Variants in HGFAC observed in about 807,000 individuals in gnomAD.
HGFAC encodes the protein HGF activator, also known as hepatocyte growth factor activator serine protease.
HGFAC carries 76 observed loss-of-function variants against 70.6 expected under a neutral mutation model. The ratio of observed to expected loss-of-function variants is 1.08; its 90% CI spans 0.89 to 1.30. The LOEUF (loss-of-function observed/expected upper bound fraction) is 1.30, where lower values mean the gene tolerates loss of function less well. Ranked by LOEUF, HGFAC falls within the 50% of genes most tolerant of loss-of-function variation. The probability of loss-of-function intolerance (pLI) is 0.00; values close to 1 mark genes in which losing one functional copy is unlikely to be tolerated. For missense variants in HGFAC, 1,044 were observed against 933.7 expected (o/e 1.12, Z -1.54); for synonymous variants, 464 against 405.3 (o/e 1.14, Z -1.74).
In HGFAC at chr4:3,444,752, C is replaced by T. The variant is rs770592174; in HGVS notation, c.841+19C>T. ...AACATCGGTGAGTGGGTCAGCCCCC[C>T]GGGGTGCCCTGGGGCAGTGCCGGGT... On this transcript the variant is annotated intron_variant, in intron 7 of 13. Transcript: ENST00000382774. 101 of 1,579,000 alleles carry T rather than the reference C, an allele frequency of 6.4e-5. 1 individual carries two copies. Among genetic ancestry groups the T allele is most frequent in the Admixed American group, 2.1e-4 (12 of 57,426 alleles).
intron 2 of HGFAC, 35 bp from the exon 3 acceptor site, chr4:3,443,015 G>A (rs373619888): frequency 3.9e-6 from 6 of 1,553,768 alleles, no homozygotes; most frequent in Admixed American, 3.6e-5. Flanking sequence ...GGTGCCCCTC[G>A]AGGGAGCCCT....
chr4:3,447,827 C>T, intron 11 of HGFAC, 68 bp from the exon 12 acceptor site: 1 of 1,578,384 alleles, frequency 6.3e-7, no homozygotes. Context: ...CTCCCTCCAC[C>T]ACGGGCCCCG....
chr4:3,443,824 G>A (rs1281372297), intron 4 of HGFAC, among the ~76,000 whole-genome samples: 1 of 152,006 alleles, frequency 6.6e-6, no homozygotes, highest in African/African-American at 2.4e-5. Context: ...TGCACAGCTG[G>A]GCCAGTGGCC....
intron 1 of HGFAC, among the ~76,000 whole-genome samples, chr4:3,442,496 T>TG (rs1317959328): frequency 1.3e-5 from 2 of 152,046 alleles, no homozygotes; most frequent in Non-Finnish European, 2.9e-5. Context: ...TTAAGCTTGG[T>TG]GGGTAGCAGT....
rs1393402490 is a variant in HGFAC, at chr4:3,448,390, G to A, written c.1785+114G>A. The A allele has an allele frequency of 3.3e-5, 42 of 1,262,434 alleles. 1 individual carries two copies. Among genetic ancestry groups the A allele is most frequent in the Non-Finnish European group, 4.3e-5 (40 of 923,582 alleles). The allele number at this position is 1,262,434 out of a possible 1,614,324, so 78.2% of individuals were successfully genotyped here. Reference sequence around the variant, plus strand: ...AGCCTGGCGGCACCCCAACCTGGCAGGGCCAGCCAGGGACCCCTGGGCAGG... The same window carrying A: ...AGCCTGGCGGCACCCCAACCTGGCAAGGCCAGCCAGGGACCCCTGGGCAGG... On this transcript the variant is annotated intron_variant, in intron 13 of 13. Coordinates refer to ENST00000382774, the MANE Select transcript of HGFAC (RefSeq NM_001528.4).
Position 3,446,154 on chromosome 4 carries a change from G to T in HGFAC, c.1215G>T (p.Arg405=). The change falls in exon 10 of 14, where the codon CGG becomes CGT. Residue 405 remains arginine (R), a synonymous_variant. Transcript: ENST00000382774. Reference sequence around the variant, plus strand: ...GGCACAAGAAGAGGACGTTCCTGCGGCCACGTATCATCGGCGGCTCCTCCT... The same window carrying T: ...GGCACAAGAAGAGGACGTTCCTGCGTCCACGTATCATCGGCGGCTCCTCCT... The part of the protein sequence containing the change: ...GRRHKKRTFL[R]PRIIGGSSSL... 6.2e-7 allele frequency: 1 copy of T among 1,611,728 alleles called. No individual in the cohort carries two copies. The highest frequency in any genetic ancestry group is 8.5e-7 in the Non-Finnish European group (1 of 1,179,542).
At position 3,443,129 on chromosome 4, in the gene HGFAC, C is replaced by T. The variant is rs777636105; in HGVS notation, c.378C>T (p.Gly126=). 1 of 1,569,210 alleles carries T rather than the reference C, an allele frequency of 6.4e-7. No individual in the cohort carries two copies. The change falls in exon 3 of 14, where the codon GGC becomes GGT. Residue 126 remains glycine (G), a synonymous_variant. Transcript: ENST00000382774. The part of the protein sequence containing the change: ...GRMLHACTSE[G]SAHRKWCATT... The stretch of plus-strand genomic sequence containing the variant: ...TGCTGCATGCCTGCACTTCGGAGGG[C>T]AGTGCACACAGGAAGTGGTGGGTCC...
At position 3,446,055 on chromosome 4, in the gene HGFAC, A is replaced by G; in HGVS notation, c.1116A>G (p.Arg372=). Residue 372 remains arginine, a synonymous_variant, in exon 10 of 14, where the codon AGA becomes AGG. Coordinates refer to ENST00000382774, the MANE Select transcript of HGFAC (RefSeq NM_001528.4). Reference sequence around the variant, plus strand: ...CTTTGCTCCCAGAATCCCTCACCAGAGTCCAACTGTCACCGGATCTCCTGG... The same window carrying G: ...CTTTGCTCCCAGAATCCCTCACCAGGGTCCAACTGTCACCGGATCTCCTGG... ...CRLEACESLT[R]VQLSPDLLAT... is the part of the protein sequence containing the mutation. 6.2e-7 allele frequency: 1 copy of G among 1,609,052 alleles called. No individual in the cohort carries two copies.
chr4:3,448,640 C>G (rs998668340), intron 13 of HGFAC, among the ~76,000 whole-genome samples: 2 of 145,732 alleles, frequency 1.4e-5, no homozygotes, highest in South Asian at 4.2e-4. Flanking sequence ...CTTCAACCTT[C>G]AATAAGTTCT....
At position 3,449,260 on chromosome 4, in the gene HGFAC, C is replaced by T. The variant is rs762864811; in HGVS notation, c.1809C>T (p.Ala603=). 6.2e-7 allele frequency: 1 copy of T among 1,612,280 alleles called. No homozygotes were observed. The highest frequency in any genetic ancestry group is 1.7e-5 in the Admixed American group (1 of 59,956). ...ACQGDSGGPL[A]CEKNGVAYLY... ...AGGGGGACTCAGGGGGGCCCCTGGCCTGCGAGAAGAACGGCGTGGCTTACC... is the reference window on the plus strand; with the variant it reads ...AGGGGGACTCAGGGGGGCCCCTGGCTTGCGAGAAGAACGGCGTGGCTTACC... Residue 603 remains alanine, a synonymous_variant, in exon 14 of 14, where the codon GCC becomes GCT. Coordinates refer to ENST00000382774, the MANE Select transcript of HGFAC (RefSeq NM_001528.4).
At position 3,443,949 on chromosome 4, in the gene HGFAC, C is replaced by T. The variant is rs141896690; in HGVS notation, c.476-90C>T. On this transcript the variant is annotated intron_variant, in intron 4 of 13. Coordinates refer to ENST00000382774, the MANE Select transcript of HGFAC (RefSeq NM_001528.4). ...TTGCTCTCAGAGCCCCTCACTGGGGCCTGATGGACGCCTTAGCAAGCAGAG... is the reference window on the plus strand; with the variant it reads ...TTGCTCTCAGAGCCCCTCACTGGGGTCTGATGGACGCCTTAGCAAGCAGAG... 4.3e-6 allele frequency: 6 copies of T among 1,399,452 alleles called. No homozygotes were observed. The African/African-American group carries it at 4.4e-5, about 10-fold the overall frequency. 86.7% of individuals were successfully genotyped at this position (1,399,452 alleles called of 1,614,324 possible). A position where few individuals can be genotyped will look rare whatever the true frequency, so the allele number is the denominator to read the frequency against.
chr4:3,446,503 C>T (rs576447359), intron 10 of HGFAC, among the ~76,000 whole-genome samples: 2 of 152,292 alleles, frequency 1.3e-5, no homozygotes, highest in South Asian at 4.2e-4. Context: ...AACCCTGTCC[C>T]TATTGAGGGA....
At chr4:3,443,216 G>C in intron 3 of HGFAC, 70 bp downstream of exon 3, 1 of 1,336,894 alleles carries the variant, frequency 7.5e-7, no homozygotes, top group African/African-American at 1.5e-5. Context: ...TCTGGGAGCC[G>C]GGCACACAGT....
At position 3,447,557 on chromosome 4, in the gene HGFAC, C is replaced by T. The variant is rs143981206; in HGVS notation, c.1421C>T (p.Thr474Met). Residue 474 changes from threonine (T) to methionine (M), a missense_variant, in exon 11 of 14, where the codon ACG becomes ATG. Coordinates refer to ENST00000382774, the MANE Select transcript of HGFAC (RefSeq NM_001528.4). ...TTCTTCAACCGCACGACGGACGTGA[C>T]GCAGACCTTCGGCATCGAGAAGTAC... ...QHFFNRTTDV[T>M]QTFGIEKYIP... is the part of the protein sequence containing the mutation. The T allele has an allele frequency of 2.1e-4, 343 of 1,612,694 alleles. 2 individuals are homozygous for T. Among genetic ancestry groups the T allele is most frequent in the Middle Eastern group, 3.3e-4 (2 of 6,060 alleles).
chr4:3,442,782 C>A lies in HGFAC; in HGVS notation c.168C>A (p.Pro56=). ...ATGCCACAGCGACCCCTGCGATCCC[C>A]ACTATCCTGGTGACCTCTGTGACCT... ...EPNATATPAI[P]TILVTSVTSE... The change falls in exon 2 of 14, where the codon CCC becomes CCA. Residue 56 remains proline, a synonymous_variant. Coordinates refer to ENST00000382774, the MANE Select transcript of HGFAC (RefSeq NM_001528.4). 6.4e-7 allele frequency: 1 copy of A among 1,565,930 alleles called. No homozygotes were observed.
intron 13 of HGFAC, among the ~76,000 whole-genome samples, chr4:3,448,622 A>G (rs1163794093): frequency 1.3e-5 from 2 of 152,226 alleles, no homozygotes; most frequent in African/African-American, 4.8e-5. Context: ...AGTTCTCTCA[A>G]GCCAGCTCTT....
chr4:3,445,846 C>A, intron 9 of HGFAC, 196 bp from the exon 10 acceptor site: 1 of 1,530,002 alleles, frequency 6.5e-7, no homozygotes, highest in Non-Finnish European at 8.8e-7. Flanking sequence ...CACAGAGCCT[C>A]GGGATCGGGC....
intron 11 of HGFAC, 118 bp from the exon 12 acceptor site, chr4:3,447,777 C>A: frequency 6.5e-7 from 1 of 1,528,606 alleles, no homozygotes; most frequent in Non-Finnish European, 8.9e-7. Flanking sequence ...CCGCTCCCTT[C>A]TGGATCTCCC....
At chr4:3,441,903 G>A (rs1160294638), upstream of HGFAC, 5 of 646,504 alleles carry the variant, frequency 7.7e-6, no homozygotes, top group East Asian at 1.7e-4. This position sits in a 1 kb window ranked among gnomAD's most constrained non-coding sequence, Gnocchi z 6.0. Context: ...CCTGACGTGG[G>A]AGGCAGCCAG....
Sources: allele counts gnomAD v4.1 joint callset (sites outside exome capture counted in the v4.1 genomes callset), GRCh38; gene constraint gnomAD v4.1.1; non-coding constraint Gnocchi (gnomAD v3.1); transcripts MANE v1.5; gene names NCBI Gene and HGNC (gene_info 2026-07-23, HGNC 2026-07-21).